Variants in MPPED1 observed in about 807,000 individuals in gnomAD.
MPPED1 encodes metallophosphoesterase domain containing 1, also known as metallophosphoesterase domain-containing protein 1.
In MPPED1, 16 loss-of-function variants were observed where a neutral mutation model predicts 36.2. The ratio of observed to expected loss-of-function variants is 0.44; its 90% confidence interval spans 0.30 to 0.67. The LOEUF (loss-of-function observed/expected upper bound fraction) is 0.67. Ranked by LOEUF, MPPED1 falls within the 30% of genes least tolerant of loss-of-function variation. The probability of loss-of-function intolerance (pLI) is 0.10; values close to 1 mark genes in which losing one functional copy is unlikely to be tolerated. For synonymous variants in MPPED1, 199 were observed against 191.3 expected (o/e 1.04, Z -0.33); for missense variants, 307 against 453.4 (o/e 0.68, Z 2.93).
intron 4 of MPPED1, among the ~76,000 whole-genome samples, chr22:43,483,462 G>A (rs1377307234): frequency 1.3e-5 from 2 of 152,260 alleles, no homozygotes; most frequent in Non-Finnish European, 2.9e-5. Context: ...CCCAGGTGTC[G>A]GTTTGGACTG....
chr22:43,425,040 C>T lies in MPPED1; in HGVS notation c.55C>T (p.Leu19Phe), dbSNP rs746322681. ...CCTGAAGGCGGAGGCCCTGGCCCTCCTCCCCTGCGGCCTGGGCATGGCATT... is the reference window on the plus strand; with the variant it reads ...CCTGAAGGCGGAGGCCCTGGCCCTCTTCCCCTGCGGCCTGGGCATGGCATT... ...SVLKAEALAL[L>F]PCGLGMAFSQ... is the part of the protein sequence containing the mutation. The change falls in exon 2 of 7, where the codon CTC becomes TTC. Residue 19 changes from leucine to phenylalanine, a missense_variant. Around this residue, in one of 3 missense-constraint regions of MPPED1, gnomAD observed 169 missense variants for 212.3 expected, o/e 0.80. Coordinates refer to ENST00000443721, the MANE Select transcript of MPPED1 (RefSeq NM_001044370.2). The T allele has an allele frequency of 2.5e-6, 4 of 1,612,080 alleles. No homozygotes were observed. In the African/African-American group the frequency reaches 4.0e-5, roughly 16 times the overall value.
intron 4 of MPPED1, among the ~76,000 whole-genome samples, chr22:43,495,497 G>GTGGAGGTGA (rs1932258456): frequency 4.8e-5 from 1 of 20,910 alleles, no homozygotes; most frequent in Non-Finnish European, 7.6e-5. Context: ...GGAGGTAGTG[G>GTGGAGGTGA]TGGTGGAGGT....
intron 3 of MPPED1, among the ~76,000 whole-genome samples, chr22:43,442,488 G>C (rs1204778510): frequency 6.6e-6 from 1 of 152,154 alleles, no homozygotes; most frequent in Non-Finnish European, 1.5e-5. Context: ...CCTAAAGCTA[G>C]TACCTGGGCA....
At position 43,438,018 on chromosome 22, in the gene MPPED1, A is replaced by G. The variant is rs78697769; in HGVS notation, c.406+2803A>G. 5.0e-3 allele frequency among the ~76,000 whole-genome samples: 762 copies of G among 152,298 alleles called. 7 individuals are homozygous for G. The highest frequency in any genetic ancestry group is 0.018 in the African/African-American group (734 of 41,560). ...AGAGAAAAAGAGACTGGAAAGAAAC[A>G]TTCCGTCATCCTATTGCTGAGCCTC... On this transcript the variant is annotated intron_variant, in intron 3 of 6. Coordinates refer to ENST00000443721, the MANE Select transcript of MPPED1 (RefSeq NM_001044370.2).
chr22:43,425,250 C>A (rs745340051), intron 2 of MPPED1, 41 bp downstream of exon 2: 17 of 1,521,062 alleles, frequency 1.1e-5, no homozygotes, highest in Middle Eastern at 2.1e-4. Context: ...GCGGTGACGG[C>A]CCCCTGGGGT....
intron 3 of MPPED1, among the ~76,000 whole-genome samples, chr22:43,453,107 G>A (rs983163564): frequency 4.6e-5 from 7 of 151,768 alleles, no homozygotes; most frequent in African/African-American, 7.3e-5. Flanking sequence ...CCGCTACCAC[G>A]CCCGGCTAAT....
At chr22:43,495,579 A>AGGT (rs1395024763) in intron 4 of MPPED1, among the ~76,000 whole-genome samples, 1 of 39,498 alleles carries the variant, frequency 2.5e-5, no homozygotes, top group African/African-American at 9.1e-5. Context: ...GTGATGGTGG[A>AGGT]GGTGGTGGTG....
chr22:43,431,729 A>G (rs555121348), intron 2 of MPPED1, among the ~76,000 whole-genome samples: 8 of 152,360 alleles, frequency 5.3e-5, no homozygotes, highest in African/African-American at 1.9e-4. Flanking sequence ...CACTGCCTGT[A>G]ACGTGCCCAG....
At position 43,463,823 on chromosome 22, in the gene MPPED1, C is replaced by CTTTCTTTCTT. The variant is rs1931050247; in HGVS notation, c.407-10911_407-10902dup. Among the ~76,000 whole-genome samples, 595 of 77,904 alleles carry CTTTCTTTCTT rather than the reference C, an allele frequency of 7.6e-3. 15 individuals are homozygous for CTTTCTTTCTT. The highest frequency in any genetic ancestry group is 0.061 in the Middle Eastern group (7 of 114). 51.1% of individuals were successfully genotyped at this position (77,904 alleles called of 152,430 possible). A position where few individuals can be genotyped will look rare whatever the true frequency, so the allele number is the denominator to read the frequency against. ...CATTTTTTCTTTTCTTTCTTTCTTT[C>CTTTCTTTCTT]TTTCTTTCTTTCTTTCTTTCTTTCT... On this transcript the variant is annotated intron_variant, in intron 3 of 6. Transcript: ENST00000443721.
rs543636498 is a variant in MPPED1, at chr22:43,471,674, G to A, written c.407-3062G>A. On this transcript the variant is annotated intron_variant, in intron 3 of 6. Transcript: ENST00000443721. The stretch of plus-strand genomic sequence containing the variant: ...CACGCAGCCCTCTTCCCTCCTCTCC[G>A]CAGCCTGAGCCTCACTGGAGAGGGC... Among the ~76,000 whole-genome samples, 10 of 152,288 alleles carry A rather than the reference G, an allele frequency of 6.6e-5. No individual in the cohort carries two copies. In the South Asian group the frequency reaches 2.1e-3, roughly 32 times the overall value.
chr22:43,415,880 A>G (rs1274083863), intron 1 of MPPED1, among the ~76,000 whole-genome samples: 1 of 152,204 alleles, frequency 6.6e-6, no homozygotes, highest in African/African-American at 2.4e-5. Flanking sequence ...GTTGATGCAC[A>G]CGAAGAGACT....
At chr22:43,442,835 C>T (rs549359294) in intron 3 of MPPED1, among the ~76,000 whole-genome samples, 4 of 152,314 alleles carry the variant, frequency 2.6e-5, no homozygotes, top group East Asian at 1.9e-4. Context: ...AGGGCCCTGC[C>T]GGTTCACGTA....
At chr22:43,439,169 A>G (rs1490468572) in intron 3 of MPPED1, among the ~76,000 whole-genome samples, 1 of 152,192 alleles carries the variant, frequency 6.6e-6, no homozygotes, top group Non-Finnish European at 1.5e-5. Context: ...ACTGGTGTCT[A>G]TGCATTGCCC....
At chr22:43,433,446 ATGAG>A (rs1555898690) in intron 2 of MPPED1, among the ~76,000 whole-genome samples, 125,412 of 149,358 alleles carry the variant, frequency 0.84, 52,407 homozygotes, top group South Asian at 0.92. Flanking sequence ...GAATGAGTGA[ATGAG>A]TGAGTGAATG....
intron 3 of MPPED1, among the ~76,000 whole-genome samples, chr22:43,465,308 C>G (rs1255269798): frequency 6.6e-6 from 1 of 152,212 alleles, no homozygotes. Context: ...CTGATGGGCT[C>G]ATCTCATCCT....
chr22:43,464,291 CTGTGTGTGTGTGTGTGTGTGTG>C (rs60119589), intron 3 of MPPED1, among the ~76,000 whole-genome samples: 1 of 143,836 alleles, frequency 7.0e-6, no homozygotes, highest in Non-Finnish European at 1.5e-5. Flanking sequence ...TTGGTCAGCT[CTGTGTGTGTGTGTGTGTGTGTG>C]TGTGTGTGTG....
At chr22:43,445,775 G>T (rs905020637) in intron 3 of MPPED1, among the ~76,000 whole-genome samples, 6 of 151,384 alleles carry the variant, frequency 4.0e-5, no homozygotes, top group Admixed American at 6.6e-5. Flanking sequence ...TTACCATTTT[G>T]CCCAGGCTGG....
In MPPED1 at chr22:43,505,898, G is replaced by A; in HGVS notation, c.*282G>A. ...CTAAGCTCATGGCCCTGTCATGTTT[G>A]GGAAATGACTAAATCTTCATTCTTC... is the stretch of plus-strand genomic sequence containing the variant. On this transcript the variant is annotated 3_prime_UTR_variant, in exon 7 of 7. Coordinates refer to ENST00000443721, the MANE Select transcript of MPPED1 (RefSeq NM_001044370.2). 2.8e-6 allele frequency: 1 copy of A among 356,122 alleles called. No individual in the cohort carries two copies. The highest frequency in any genetic ancestry group is 4.5e-5 in the Admixed American group (1 of 22,058). The allele number at this position is 356,122 out of a possible 1,614,324, so 22.1% of individuals were successfully genotyped here.
At chr22:43,436,021 C>T (rs1471629873) in intron 3 of MPPED1, among the ~76,000 whole-genome samples, 1 of 152,208 alleles carries the variant, frequency 6.6e-6, no homozygotes, top group Non-Finnish European at 1.5e-5. Context: ...TGAGCAGCTG[C>T]TGGTCTCGGC....
Sources: allele counts gnomAD v4.1 joint callset (sites outside exome capture counted in the v4.1 genomes callset), GRCh38; gene constraint gnomAD v4.1.1; regional missense constraint gnomAD v4.1.1; transcripts MANE v1.5; gene names NCBI Gene and HGNC (gene_info 2026-07-23, HGNC 2026-07-21).